RBFOX1: variants seen among roughly 807,000 people sequenced by gnomAD.
RBFOX1 encodes RNA binding fox-1 homolog 1.
In RBFOX1, 8 loss-of-function variants were observed where a neutral mutation model predicts 57.7. The ratio of observed to expected loss-of-function variants is 0.14; its 90% CI spans 0.08 to 0.25. RBFOX1 has a LOEUF of 0.25. Among genes scored for constraint, RBFOX1 ranks in the 10% least tolerant of loss-of-function variants. The pLI, the probability that RBFOX1 is intolerant of heterozygous loss-of-function variation, is 1.00. For missense variants in RBFOX1, 611 were observed against 548.5 expected, an observed-to-expected ratio of 1.11 and a Z score of -1.14; for synonymous variants, 326 against 222.4, an observed-to-expected ratio of 1.47 and a Z score of -4.15.
At chr16:7,075,444 G>T (rs2058115779) in intron 4 of RBFOX1, among the ~76,000 whole-genome samples, 11 of 152,088 alleles carry the variant, frequency 7.2e-5, no homozygotes, top group Admixed American at 7.2e-4. Flanking sequence ...TAAAACAGTT[G>T]CAAGTATTTA....
chr16:6,052,159 C>T (rs116849533), intron 1 of RBFOX1, among the ~76,000 whole-genome samples: 3,759 of 152,258 alleles, frequency 0.025, 72 homozygotes, highest in Middle Eastern at 0.044. Context: ...CAATTCAACG[C>T]TGCTCCGGTT....
chr16:7,618,018 T>TA (rs1038807738), intron 10 of RBFOX1, among the ~76,000 whole-genome samples: 125 of 144,310 alleles, frequency 8.7e-4, no homozygotes, highest in African/African-American at 3.0e-3. Context: ...AAAAAAAAAA[T>TA]ACACATGCTT....
At chr16:5,533,127 A>C (rs1196907956) in intron 2 of RBFOX1, among the ~76,000 whole-genome samples, 1 of 152,228 alleles carries the variant, frequency 6.6e-6, no homozygotes, top group Non-Finnish European at 1.5e-5. Context: ...GTTATTCGTC[A>C]TAACAGGTGG....
intron 4 of RBFOX1, chr16:7,304,412 C>T (rs1023067781): frequency 3.0e-6 from 3 of 985,270 alleles, no homozygotes. Context: ...ACGGGGGCCA[C>T]CTGCGTGGCG....
At chr16:7,438,107 C>T (rs1411784285) in intron 4 of RBFOX1, among the ~76,000 whole-genome samples, 1 of 151,970 alleles carries the variant, frequency 6.6e-6, no homozygotes, top group African/African-American at 2.4e-5. Context: ...CTGACATCAG[C>T]TATTAAAATA....
chr16:7,183,608 C>A (rs2083160704), intron 4 of RBFOX1, among the ~76,000 whole-genome samples: 1 of 152,126 alleles, frequency 6.6e-6, no homozygotes, highest in Admixed American at 6.5e-5. Context: ...CTTTCAGAAG[C>A]CTGCATTAAT....
intron 11 of RBFOX1, among the ~76,000 whole-genome samples, chr16:7,643,703 C>T: frequency 6.6e-6 from 1 of 152,082 alleles, no homozygotes; most frequent in East Asian, 1.9e-4. Context: ...AGAGGTAAAC[C>T]CTAGTGGCAA....
chr16:7,452,968 A>T (rs541935671), intron 4 of RBFOX1, among the ~76,000 whole-genome samples: 1 of 151,998 alleles, frequency 6.6e-6, no homozygotes, highest in Admixed American at 6.6e-5. Context: ...ATCTCCACTA[A>T]AAATACAAAA....
intron 1 of RBFOX1, among the ~76,000 whole-genome samples, chr16:5,322,136 A>G (rs963685011): frequency 2.0e-5 from 3 of 152,192 alleles, no homozygotes; most frequent in Admixed American, 1.3e-4. Flanking sequence ...GCTCTGAGTC[A>G]TATTTTCCAG....
chr16:6,723,241 A>G (rs964768997), intron 3 of RBFOX1, among the ~76,000 whole-genome samples: 1 of 152,196 alleles, frequency 6.6e-6, no homozygotes, highest in Non-Finnish European at 1.5e-5. Context: ...TAATACTGTG[A>G]GACTTTGGGC....
chr16:7,586,301 G>GA (rs2094122205), intron 6 of RBFOX1, among the ~76,000 whole-genome samples: 1 of 152,110 alleles, frequency 6.6e-6, no homozygotes, highest in Non-Finnish European at 1.5e-5. Context: ...TCAGAAAACT[G>GA]AAAAAATTCC....
chr16:5,607,880 G>T (rs779709964), intron 3 of RBFOX1, among the ~76,000 whole-genome samples: 5 of 152,134 alleles, frequency 3.3e-5, no homozygotes, highest in Non-Finnish European at 7.4e-5. Flanking sequence ...CTTTTTAATG[G>T]CTGGACAGGA....
At chr16:7,009,072 C>T (rs145572764) in intron 3 of RBFOX1, among the ~76,000 whole-genome samples, 1 of 6,802 alleles carries the variant, frequency 1.5e-4, no homozygotes, top group Non-Finnish European at 3.4e-4. Flanking sequence ...CTTCCTCCCT[C>T]CCTCCCTCCC....
intron 3 of RBFOX1, among the ~76,000 whole-genome samples, chr16:6,978,402 A>G (rs377148392): frequency 1.3e-5 from 2 of 152,176 alleles, no homozygotes; most frequent in South Asian, 4.1e-4. Context: ...AATGACAGCT[A>G]CCTCACCGAA....
intron 2 of RBFOX1, among the ~76,000 whole-genome samples, chr16:6,418,851 T>C (rs2093698481): frequency 6.6e-6 from 1 of 152,146 alleles, no homozygotes; most frequent in Non-Finnish European, 1.5e-5. Context: ...TTGATATGCT[T>C]TTCCTTCACT....
At chr16:6,166,455 T>C (rs2096917987) in intron 1 of RBFOX1, among the ~76,000 whole-genome samples, 2 of 152,176 alleles carry the variant, frequency 1.3e-5, no homozygotes, top group African/African-American at 4.8e-5. Flanking sequence ...TCTCTTTCTC[T>C]CTGACTCTCT....
At chr16:6,654,520 C>G in intron 2 of RBFOX1, 83 bp from the exon 3 acceptor site, 5 of 1,124,348 alleles carry the variant, frequency 4.4e-6, no homozygotes, top group South Asian at 1.6e-5. Context: ...AAGGGCATTT[C>G]AACAACACCA....
At chr16:7,103,039 C>A (rs539760853) in intron 4 of RBFOX1, among the ~76,000 whole-genome samples, 1 of 151,048 alleles carries the variant, frequency 6.6e-6, no homozygotes, top group African/African-American at 2.4e-5. Context: ...CTATCTATTT[C>A]CACATTTAAT....
At chr16:6,213,244 A>G (rs1232822027) in intron 1 of RBFOX1, among the ~76,000 whole-genome samples, 1 of 151,792 alleles carries the variant, frequency 6.6e-6, no homozygotes, top group Non-Finnish European at 1.5e-5. Flanking sequence ...CTCTTTCTTG[A>G]ACGCTTAATT....
Sources: gnomAD v4.1 joint callset for allele counts (sites outside exome capture counted in the v4.1 genomes callset) on GRCh38, gnomAD v4.1.1 for gene constraint, MANE v1.5 for transcripts, NCBI Gene and HGNC (gene_info 2026-07-23, HGNC 2026-07-21) for gene names.